The following SORCS2 variants were observed in gnomAD, a reference collection of about 807,000 sequenced individuals.
SORCS2 encodes VPS10 domain-containing receptor SorCS2.
Under a neutral mutation model 141.6 loss-of-function variants are expected in SORCS2, and 100 were observed. The ratio of observed to expected loss-of-function variants is 0.71; its 90% confidence interval spans 0.60 to 0.83. The LOEUF is 0.83. Ranked by LOEUF, SORCS2 falls within the 40% of genes least tolerant of loss-of-function variation. The probability of loss-of-function intolerance (pLI) is 0.00; values close to 1 mark genes in which losing one functional copy is unlikely to be tolerated. For synonymous variants in SORCS2, 789 were observed against 676.9 expected, an observed-to-expected ratio of 1.17 and a Z score of -2.57; for missense variants, 1,646 against 1,560.2, an observed-to-expected ratio of 1.05 and a Z score of -0.93.
chr4:7,321,606 C>T (rs1236894744), intron 1 of SORCS2, among the ~76,000 whole-genome samples: 4 of 152,158 alleles, frequency 2.6e-5, no homozygotes, highest in African/African-American at 9.7e-5. Context: ...CGGACAGTAC[C>T]AAAGGAGACA....
intron 1 of SORCS2, among the ~76,000 whole-genome samples, chr4:7,382,717 G>T (rs1723062885): frequency 6.6e-6 from 1 of 152,018 alleles, no homozygotes. Flanking sequence ...TCAGCGTACG[G>T]GGGCTGGAGG....
At chr4:7,497,436 G>T (rs13133220) in intron 2 of SORCS2, among the ~76,000 whole-genome samples, 81,462 of 152,094 alleles carry the variant, frequency 0.54, 22,920 homozygotes, top group Non-Finnish European at 0.62. Context: ...CCAGTGAAGG[G>T]TGAGGCTGTC....
intron 1 of SORCS2, among the ~76,000 whole-genome samples, chr4:7,238,718 C>A (rs1396423858): frequency 6.6e-6 from 1 of 152,190 alleles, no homozygotes; most frequent in Non-Finnish European, 1.5e-5. Flanking sequence ...GGGTTTGAAT[C>A]CAGCTCCTCC....
chr4:7,416,850 GCA>G (rs568470798), intron 2 of SORCS2, among the ~76,000 whole-genome samples: 33 of 151,842 alleles, frequency 2.2e-4, no homozygotes, highest in East Asian at 7.8e-4. Flanking sequence ...ATGCATGCAT[GCA>G]CACACACACT....
At chr4:7,207,401 C>G (rs1208555179) in intron 1 of SORCS2, among the ~76,000 whole-genome samples, 9 of 152,218 alleles carry the variant, frequency 5.9e-5, no homozygotes, top group Non-Finnish European at 8.8e-5. Flanking sequence ...TGCGTTCACC[C>G]AGCGCCTGGC....
At chr4:7,493,858 T>G (rs1731450751) in intron 2 of SORCS2, among the ~76,000 whole-genome samples, 2 of 152,348 alleles carry the variant, frequency 1.3e-5, no homozygotes, top group African/African-American at 4.8e-5. Context: ...ACATGCATTG[T>G]GTGGATATTA....
chr4:7,434,022 C>A (rs750468128), intron 2 of SORCS2: 3 of 1,611,874 alleles, frequency 1.9e-6, no homozygotes, highest in Non-Finnish European at 2.5e-6. Flanking sequence ...CCTTCATCTG[C>A]ATCTCGCTCT....
chr4:7,258,739 T>A (rs6847479), intron 1 of SORCS2, among the ~76,000 whole-genome samples: 3 of 152,164 alleles, frequency 2.0e-5, no homozygotes, highest in Non-Finnish European at 4.4e-5. Context: ...TCCACAATGG[T>A]TGAACTAATT....
intron 2 of SORCS2, among the ~76,000 whole-genome samples, chr4:7,464,219 C>T (rs920818900): frequency 1.3e-5 from 2 of 152,208 alleles, no homozygotes; most frequent in African/African-American, 4.8e-5. Flanking sequence ...CTGCAGAACC[C>T]ACCCAACTAC....
At chr4:7,558,846 G>A (rs1368866448) in intron 3 of SORCS2, among the ~76,000 whole-genome samples, 4 of 152,172 alleles carry the variant, frequency 2.6e-5, no homozygotes, top group Non-Finnish European at 4.4e-5. Context: ...CGGGCCTCTG[G>A]CTTTACCCCA....
At chr4:7,507,166 T>C (rs2109448691) in intron 2 of SORCS2, among the ~76,000 whole-genome samples, 1 of 126,820 alleles carries the variant, frequency 7.9e-6, no homozygotes, top group East Asian at 3.2e-4. Flanking sequence ...GTGGATAAAT[T>C]CTTTTTTATT....
intron 9 of SORCS2, among the ~76,000 whole-genome samples, chr4:7,682,194 G>A (rs2108966670): frequency 6.6e-6 from 1 of 152,316 alleles, no homozygotes; most frequent in South Asian, 2.1e-4. Context: ...CCTGAGCAAT[G>A]AAGGCAAGTG....
chr4:7,233,783 C>T lies in SORCS2; in HGVS notation c.480+40657C>T, dbSNP rs551423623. ...CCTCAGGCGAGCCTGTACTCCTGCA[C>T]GCCTCAGTTTTCCTGTCTGTAAAAT... On this transcript the variant is annotated intron_variant, in intron 1 of 26. Coordinates refer to ENST00000507866, the MANE Select transcript of SORCS2 (RefSeq NM_020777.3). This position sits in a 1 kb window ranked among gnomAD's most constrained non-coding sequence, Gnocchi z 4.5. Among the ~76,000 whole-genome samples the T allele has an allele frequency of 5.9e-5, 9 of 152,302 alleles. No individual in the cohort carries two copies. Among genetic ancestry groups the T allele is most frequent in the East Asian group, 5.8e-4 (3 of 5,182 alleles).
chr4:7,717,970 C>T, intron 17 of SORCS2, 42 bp from the exon 18 acceptor site: 1 of 1,534,100 alleles, frequency 6.5e-7, no homozygotes, highest in South Asian at 1.3e-5. Context: ...CATCCCTTGC[C>T]ACCTGTCTGA....
intron 1 of SORCS2, among the ~76,000 whole-genome samples, chr4:7,322,937 T>G (rs1433267381): frequency 6.6e-6 from 1 of 150,806 alleles, no homozygotes; most frequent in Non-Finnish European, 1.5e-5. Flanking sequence ...CAGTTTCTGC[T>G]GAAATCTACT....
chr4:7,374,814 T>C (rs1377796861), intron 1 of SORCS2, among the ~76,000 whole-genome samples: 1 of 152,198 alleles, frequency 6.6e-6, no homozygotes, highest in African/African-American at 2.4e-5. Flanking sequence ...CCAGCCTCTC[T>C]GCCTGGGTAG....
chr4:7,425,019 G>A (rs1329491202), intron 2 of SORCS2, among the ~76,000 whole-genome samples: 1 of 152,234 alleles, frequency 6.6e-6, no homozygotes, highest in Non-Finnish European at 1.5e-5. Context: ...TGCCCCATCT[G>A]TGGGCCGAGC....
intron 12 of SORCS2, among the ~76,000 whole-genome samples, chr4:7,700,162 G>A (rs749080703): frequency 2.6e-5 from 4 of 152,224 alleles, no homozygotes; most frequent in Non-Finnish European, 4.4e-5. Flanking sequence ...TGCCTCCGAA[G>A]GTTTCCCCAA....
chr4:7,521,317 G>A (rs547740746), intron 2 of SORCS2, among the ~76,000 whole-genome samples: 2 of 152,246 alleles, frequency 1.3e-5, no homozygotes, highest in East Asian at 1.9e-4. Flanking sequence ...GCCTGGCAGG[G>A]TCTCCTCGTC....
Sources: allele counts gnomAD v4.1 joint callset (sites outside exome capture counted in the v4.1 genomes callset), GRCh38; gene constraint gnomAD v4.1.1; non-coding constraint Gnocchi (gnomAD v3.1); transcripts MANE v1.5; gene names NCBI Gene and HGNC (gene_info 2026-07-23, HGNC 2026-07-21).